UGT1A10: variants seen among roughly 807,000 people sequenced by gnomAD.
UGT1A10 encodes the protein UDP glucuronosyltransferase family 1 member A10, also known as UDP-glucuronosyltransferase 1A10.
Under a neutral mutation model 45.8 loss-of-function variants are expected in UGT1A10, and 49 were observed. The observed-to-expected ratio is 1.07, with a 90% CI of 0.85 to 1.36. UGT1A10 has a LOEUF of 1.36. Among genes scored for constraint, UGT1A10 ranks in the 40% most tolerant of loss-of-function variants. The pLI, the probability that UGT1A10 is intolerant of heterozygous loss-of-function variation, is 0.00. For missense variants in UGT1A10, 745 were observed against 668.6 expected (o/e 1.11, Z -1.26); for synonymous variants, 284 against 249.7 (o/e 1.14, Z -1.29).
At chr2:233,679,700 C>T (rs892784889) in intron 1 of UGT1A10, among the ~76,000 whole-genome samples, 2 of 152,128 alleles carry the variant, frequency 1.3e-5, no homozygotes, top group Non-Finnish European at 2.9e-5. Flanking sequence ...GGCTGGTTCT[C>T]CTGTTATCTG....
At chr2:233,648,920 T>C in intron 1 of UGT1A10, 1 of 1,365,806 alleles carries the variant, frequency 7.3e-7, no homozygotes, top group Non-Finnish European at 1.0e-6. Context: ...CACACATCAA[T>C]TTGGTTGCTG....
At chr2:233,747,462 T>G (rs1386153404) in intron 1 of UGT1A10, 32 of 1,608,940 alleles carry the variant, frequency 2.0e-5, no homozygotes, top group Non-Finnish European at 1.7e-5. Flanking sequence ...TGCCATTTCA[T>G]GGACCCAGGA....
chr2:233,651,894 T>C (rs1375110207), intron 1 of UGT1A10, among the ~76,000 whole-genome samples: 3 of 152,184 alleles, frequency 2.0e-5, no homozygotes, highest in Non-Finnish European at 4.4e-5. Flanking sequence ...CAAAAACTCA[T>C]TGAGTCTATC....
intron 1 of UGT1A10, chr2:233,754,910 C>G: frequency 7.4e-7 from 1 of 1,353,942 alleles, no homozygotes; most frequent in South Asian, 1.1e-5. Flanking sequence ...CCAAAATATT[C>G]TCCAGCGGGT....
At chr2:233,684,806 C>T (rs1318137927) in intron 1 of UGT1A10, among the ~76,000 whole-genome samples, 1 of 152,164 alleles carries the variant, frequency 6.6e-6, no homozygotes, top group African/African-American at 2.4e-5. Context: ...TATGGCTCAA[C>T]CACAAAAGTA....
chr2:233,744,157 C>T (rs1692711492), intron 1 of UGT1A10: 1 of 298,558 alleles, frequency 3.3e-6, no homozygotes, highest in Non-Finnish European at 6.5e-6. Flanking sequence ...AGACCAGGCC[C>T]CGCCCACTCC....
At chr2:233,751,514 C>T (rs1694746384) in intron 1 of UGT1A10, among the ~76,000 whole-genome samples, 1 of 152,154 alleles carries the variant, frequency 6.6e-6, no homozygotes, top group Non-Finnish European at 1.5e-5. Context: ...GGCCAGAGGG[C>T]AGAATGATAT....
chr2:233,737,470 C>T (rs544364093), intron 1 of UGT1A10, among the ~76,000 whole-genome samples: 5 of 152,298 alleles, frequency 3.3e-5, no homozygotes, highest in African/African-American at 1.2e-4. Flanking sequence ...GTCATGGCTC[C>T]CCTTGTCTAG....
At chr2:233,664,865 T>G (rs935407168) in intron 1 of UGT1A10, among the ~76,000 whole-genome samples, 2 of 152,208 alleles carry the variant, frequency 1.3e-5, no homozygotes, top group Non-Finnish European at 2.9e-5. Flanking sequence ...TCATGAATCC[T>G]TTTGTGCCAC....
At position 233,769,619 on chromosome 2, in the gene UGT1A10, C is replaced by G; in HGVS notation, c.1295+1180C>G. The G allele has an allele frequency of 1.9e-6, 3 of 1,612,516 alleles. No individual in the cohort carries two copies. The highest frequency in any genetic ancestry group is 2.5e-6 in the Non-Finnish European group (3 of 1,179,738). ...GAACACGGGGACACACCAGCTTGAG[C>G]AAGGGACAACAGGGGAGGACTGATG... On this transcript the variant is annotated intron_variant, in intron 4 of 4. Transcript: ENST00000344644. This position sits in a 1 kb window ranked among gnomAD's most constrained non-coding sequence, Gnocchi z 4.4.
At chr2:233,711,662 CTA>C (rs1575496334) in intron 1 of UGT1A10, among the ~76,000 whole-genome samples, 1 of 152,198 alleles carries the variant, frequency 6.6e-6, no homozygotes, top group Non-Finnish European at 1.5e-5. Flanking sequence ...AAGGTGGAAT[CTA>C]TTATCAATGT....
At chr2:233,730,613 G>C (rs1454743444) in intron 1 of UGT1A10, among the ~76,000 whole-genome samples, 2 of 152,156 alleles carry the variant, frequency 1.3e-5, no homozygotes. Context: ...AGATTTTCTG[G>C]TCAGGATTTG....
At chr2:233,758,789 A>G (rs1481427299) in intron 1 of UGT1A10, among the ~76,000 whole-genome samples, 3 of 152,222 alleles carry the variant, frequency 2.0e-5, no homozygotes, top group Admixed American at 6.5e-5. Context: ...CTGTGCAGTT[A>G]TCTTGGAATT....
chr2:233,656,441 C>T (rs1010832570), intron 1 of UGT1A10, among the ~76,000 whole-genome samples: 8 of 152,238 alleles, frequency 5.3e-5, no homozygotes, highest in South Asian at 2.1e-4. Flanking sequence ...AGTCAGTGTC[C>T]GGTGGAGGTG....
chr2:233,743,714 T>A (rs1337587224), intron 1 of UGT1A10: 1 of 1,367,242 alleles, frequency 7.3e-7, no homozygotes, highest in Non-Finnish European at 9.8e-7. Context: ...CGCCTCGCCA[T>A]AGCGGTCATA....
At chr2:233,767,618 CA>C (rs1300150978) in intron 2 of UGT1A10, among the ~76,000 whole-genome samples, 2 of 152,178 alleles carry the variant, frequency 1.3e-5, no homozygotes, top group Non-Finnish European at 2.9e-5. Flanking sequence ...CCTAAGTGCA[CA>C]GCTTGATAAA....
chr2:233,669,384 T>C (rs2074136649), intron 1 of UGT1A10, among the ~76,000 whole-genome samples: 1 of 152,214 alleles, frequency 6.6e-6, no homozygotes, highest in Non-Finnish European at 1.5e-5. Context: ...GGGGTTGTAT[T>C]AAATTTATAG....
At chr2:233,660,265 A>T (rs974702785) in intron 1 of UGT1A10, among the ~76,000 whole-genome samples, 9 of 152,154 alleles carry the variant, frequency 5.9e-5, no homozygotes, top group African/African-American at 2.2e-4. Flanking sequence ...CATAGTGTTG[A>T]CAATCCTTTC....
At chr2:233,761,014 A>G (rs756396505) in intron 1 of UGT1A10, 2 of 1,614,180 alleles carry the variant, frequency 1.2e-6, no homozygotes, top group South Asian at 1.1e-5. Flanking sequence ...GAGAGAGGTG[A>G]CTGTCCAGGA....
Sources: allele counts gnomAD v4.1 joint callset (sites outside exome capture counted in the v4.1 genomes callset), GRCh38; gene constraint gnomAD v4.1.1; non-coding constraint Gnocchi (gnomAD v3.1); transcripts MANE v1.5; gene names NCBI Gene and HGNC (gene_info 2026-07-23, HGNC 2026-07-21).